The following SMYD3 variants were observed in gnomAD, a reference collection of about 807,000 sequenced individuals.
SMYD3 encodes SET and MYND domain containing 3.
SMYD3 carries 36 observed loss-of-function variants against 57.7 expected under a neutral mutation model. That is an observed-to-expected ratio of 0.62 (90% CI 0.48 to 0.82). SMYD3 has a LOEUF of 0.82. Among genes scored for constraint, SMYD3 ranks in the 40% least tolerant of loss-of-function variants. The pLI, the probability that SMYD3 is intolerant of heterozygous loss-of-function variation, is 0.00. For missense variants in SMYD3, 515 were observed against 538.8 expected (o/e 0.96, Z 0.44); for synonymous variants, 211 against 195.0 (o/e 1.08, Z -0.68).
At chr1:245,893,636 G>A (rs1205596355) in intron 8 of SMYD3, among the ~76,000 whole-genome samples, 3 of 152,194 alleles carry the variant, frequency 2.0e-5, no homozygotes, top group Non-Finnish European at 2.9e-5. Context: ...TGTGGAAAAG[G>A]TAAAATGGTA....
chr1:246,088,541 C>T (rs1478191853), intron 5 of SMYD3, among the ~76,000 whole-genome samples: 2 of 137,754 alleles, frequency 1.5e-5, no homozygotes, highest in East Asian at 4.2e-4. Flanking sequence ...ACCCAGGAGG[C>T]GGAGCTTGCA....
intron 10 of SMYD3, among the ~76,000 whole-genome samples, chr1:245,792,524 A>C (rs907409156): frequency 6.6e-6 from 1 of 152,204 alleles, no homozygotes; most frequent in African/African-American, 2.4e-5. Context: ...TCACTTTGAG[A>C]AAAAGACAGA....
chr1:246,285,537 G>C (rs1317210868), intron 5 of SMYD3, among the ~76,000 whole-genome samples: 2 of 148,806 alleles, frequency 1.3e-5, no homozygotes, highest in Non-Finnish European at 3.0e-5. Flanking sequence ...CTATAAAAAT[G>C]CTACAAAAAA....
intron 7 of SMYD3, among the ~76,000 whole-genome samples, chr1:245,923,265 A>G (rs923419956): frequency 2.0e-5 from 3 of 152,162 alleles, no homozygotes; most frequent in African/African-American, 4.8e-5. Context: ...TACATACAAT[A>G]AAAAACAGTA....
chr1:246,128,625 G>A (rs1349116755), intron 5 of SMYD3, among the ~76,000 whole-genome samples: 1 of 152,208 alleles, frequency 6.6e-6, no homozygotes, highest in Admixed American at 6.5e-5. Context: ...ACATGGTACA[G>A]CCAGTGAGCA....
At chr1:246,134,024 T>C (rs759951120) in intron 5 of SMYD3, among the ~76,000 whole-genome samples, 34 of 152,138 alleles carry the variant, frequency 2.2e-4, no homozygotes, top group Admixed American at 3.3e-4. Flanking sequence ...CCTATTTCCA[T>C]GCACAGGCTA....
chr1:245,790,468 G>A (rs2047221683), intron 10 of SMYD3, among the ~76,000 whole-genome samples: 1 of 152,194 alleles, frequency 6.6e-6, no homozygotes, highest in Admixed American at 6.5e-5. Flanking sequence ...AGTCAGGGTC[G>A]GCAAAGCTTT....
intron 1 of SMYD3, among the ~76,000 whole-genome samples, chr1:246,408,470 G>A (rs1437993393): frequency 6.6e-6 from 1 of 152,102 alleles, no homozygotes; most frequent in Admixed American, 6.6e-5. Flanking sequence ...TACAGAATAA[G>A]CTGTTGCTGT....
At chr1:246,177,526 G>A (rs1238369402) in intron 5 of SMYD3, among the ~76,000 whole-genome samples, 3 of 152,002 alleles carry the variant, frequency 2.0e-5, no homozygotes, top group Non-Finnish European at 4.4e-5. Flanking sequence ...TAGCATCATG[G>A]AGAAGAATAA....
At chr1:246,222,391 G>A (rs2063270208) in intron 5 of SMYD3, among the ~76,000 whole-genome samples, 1 of 152,122 alleles carries the variant, frequency 6.6e-6, no homozygotes, top group Non-Finnish European at 1.5e-5. Context: ...ACTGAACTCA[G>A]AAATAAGAAC....
intron 10 of SMYD3, among the ~76,000 whole-genome samples, chr1:245,825,465 C>G (rs1435599698): frequency 6.6e-6 from 1 of 152,218 alleles, no homozygotes; most frequent in African/African-American, 2.4e-5. Context: ...ATCTGGCCTG[C>G]TTCTCTGTCT....
intron 7 of SMYD3, among the ~76,000 whole-genome samples, chr1:245,921,576 T>TATATATATATATATATATAG (rs2055959339): frequency 6.8e-6 from 1 of 147,534 alleles, no homozygotes. Context: ...TATATACACA[T>TATATATATATATATATATAG]ACCATGGAAT....
chr1:246,314,623 G>C (rs1002220360), intron 5 of SMYD3, among the ~76,000 whole-genome samples: 2 of 152,164 alleles, frequency 1.3e-5, no homozygotes, highest in Non-Finnish European at 1.5e-5. Flanking sequence ...ATACTCATTT[G>C]CTTCCTGGAA....
intron 5 of SMYD3, among the ~76,000 whole-genome samples, chr1:246,239,585 T>C (rs2063570746): frequency 6.6e-6 from 1 of 152,246 alleles, no homozygotes; most frequent in Admixed American, 6.5e-5. Flanking sequence ...GCATGATTTA[T>C]ACTCCTTTGG....
chr1:246,205,261 T>C (rs1163542225), intron 5 of SMYD3, among the ~76,000 whole-genome samples: 2 of 152,182 alleles, frequency 1.3e-5, no homozygotes, highest in African/African-American at 4.8e-5. Context: ...TACTTAGGTG[T>C]CATCTCTTTC....
chr1:245,765,593 G>A (rs574654479), intron 10 of SMYD3, among the ~76,000 whole-genome samples: 1 of 152,302 alleles, frequency 6.6e-6, no homozygotes, highest in East Asian at 1.9e-4. Context: ...ACAAAGAGGT[G>A]ACTGATGGTT....
intron 5 of SMYD3, among the ~76,000 whole-genome samples, chr1:246,243,789 A>G (rs928239430): frequency 8.6e-5 from 13 of 152,000 alleles, no homozygotes; most frequent in African/African-American, 3.1e-4. Flanking sequence ...AGTTTGGTGT[A>G]GAAAGAATTC....
At chr1:245,915,686 C>T (rs1477454480) in intron 7 of SMYD3, 46 bp from the exon 8 acceptor site, 1 of 1,227,276 alleles carries the variant, frequency 8.1e-7, no homozygotes, top group South Asian at 1.4e-5. Flanking sequence ...CTGCTGTGCT[C>T]ATTTCTTTAA....
intron 5 of SMYD3, among the ~76,000 whole-genome samples, chr1:245,997,202 A>G (rs2058947921): frequency 6.6e-6 from 1 of 152,238 alleles, no homozygotes; most frequent in Admixed American, 6.5e-5. Context: ...CTTTAGGGAG[A>G]GAAGCAAAAG....
Sources: allele counts gnomAD v4.1 joint callset (sites outside exome capture counted in the v4.1 genomes callset), GRCh38; gene constraint gnomAD v4.1.1; transcripts MANE v1.5; gene names NCBI Gene and HGNC (gene_info 2026-07-23, HGNC 2026-07-21).